The following CACNA1C variants were observed in gnomAD, a reference collection of about 807,000 sequenced individuals.
The protein encoded by CACNA1C is voltage-dependent L-type calcium channel subunit alpha-1C.
In CACNA1C, 30 loss-of-function variants were observed where a neutral mutation model predicts 229.0. The ratio of observed to expected loss-of-function variants is 0.13; its 90% CI spans 0.10 to 0.18. CACNA1C has a LOEUF of 0.18. CACNA1C is among the 10% of genes least tolerant of loss of function. The pLI is 1.00. For synonymous variants in CACNA1C, 1,114 were observed against 1,132.5 expected (o/e 0.98, Z 0.33); for missense variants, 1,658 against 2,845.0 (o/e 0.58, Z 9.49).
intron 1 of CACNA1C, among the ~76,000 whole-genome samples, chr12:2,057,684 C>T (rs758240844): frequency 3.3e-5 from 5 of 152,346 alleles, no homozygotes; most frequent in East Asian, 1.9e-4. Flanking sequence ...TTCCCACAGA[C>T]GTCTGTTCCC....
intron 3 of CACNA1C, among the ~76,000 whole-genome samples, chr12:2,391,072 G>C (rs577428078): frequency 1.3e-5 from 2 of 152,184 alleles, no homozygotes; most frequent in Non-Finnish European, 2.9e-5. Context: ...ACGATAGGAC[G>C]CAGTGACTGA....
intron 9 of CACNA1C, among the ~76,000 whole-genome samples, chr12:2,534,822 G>A (rs2099849362): frequency 6.6e-6 from 1 of 152,188 alleles, no homozygotes; most frequent in South Asian, 2.1e-4. Flanking sequence ...AGGTGGTGGC[G>A]AGGTCTCTTA....
intron 3 of CACNA1C, among the ~76,000 whole-genome samples, chr12:2,176,468 T>G (rs1434397438): frequency 6.6e-6 from 1 of 151,806 alleles, no homozygotes; most frequent in Admixed American, 6.6e-5. Flanking sequence ...GGGGAGAAGA[T>G]GGAGAAGTCA....
rs554343623 is a variant in CACNA1C, at chr12:2,307,416, TC to T, written c.478-141558del. Among the ~76,000 whole-genome samples, 4 of 152,324 alleles carry T rather than the reference TC, an allele frequency of 2.6e-5. No homozygotes were observed. In the East Asian group the frequency reaches 5.8e-4, roughly 22 times the overall value. ...TGAGACCTGTACAGGATCACACAGC[TC>T]CTTGGAAGCAGCTGAGCCAGGACTA... On this transcript the variant is annotated intron_variant, in intron 3 of 46. Coordinates refer to ENST00000399655, the MANE Select transcript of CACNA1C (RefSeq NM_000719.7).
chr12:2,064,212 C>T (rs2058531392), intron 1 of CACNA1C, among the ~76,000 whole-genome samples: 1 of 152,244 alleles, frequency 6.6e-6, no homozygotes, highest in African/African-American at 2.4e-5. Context: ...GTTCAGCTTT[C>T]ACCTCGTTGC....
chr12:2,044,151 T>C (rs533118007), intron 1 of CACNA1C, among the ~76,000 whole-genome samples: 4 of 152,328 alleles, frequency 2.6e-5, no homozygotes, highest in African/African-American at 9.6e-5. Flanking sequence ...ATCTGCTATG[T>C]AAAGAGGCAA....
At chr12:2,267,065 G>A (rs1008791446) in intron 3 of CACNA1C, among the ~76,000 whole-genome samples, 13 of 152,072 alleles carry the variant, frequency 8.5e-5, no homozygotes, top group South Asian at 2.1e-4. Flanking sequence ...ATTACTTCAC[G>A]TGGACTTTGG....
chr12:2,633,332 C>A lies in CACNA1C; in HGVS notation c.3829-965C>A, dbSNP rs1405543957. Among the ~76,000 whole-genome samples the A allele has an allele frequency of 1.3e-5, 2 of 152,152 alleles. No homozygotes were observed. The highest frequency in any genetic ancestry group is 2.9e-5 in the Non-Finnish European group (2 of 68,016). ...TTTGCACCACCCACGCCCCCCACAC[C>A]CACTCCTGCCCCTGGTGGGACGTGG... On this transcript the variant is annotated intron_variant, in intron 29 of 46. Coordinates refer to ENST00000399655, the MANE Select transcript of CACNA1C (RefSeq NM_000719.7). The surrounding 1 kb of genome is among the most constrained non-coding windows in gnomAD (Gnocchi z 5.8).
intron 11 of CACNA1C, among the ~76,000 whole-genome samples, chr12:2,565,917 C>G (rs957830349): frequency 2.6e-5 from 4 of 152,190 alleles, no homozygotes; most frequent in Non-Finnish European, 4.4e-5. Flanking sequence ...GAGTACTCAA[C>G]CTCCCCAGCC....
At chr12:2,305,214 G>A (rs1255223679) in intron 3 of CACNA1C, among the ~76,000 whole-genome samples, 2 of 152,226 alleles carry the variant, frequency 1.3e-5, no homozygotes, top group African/African-American at 4.8e-5. Context: ...CCTGTGCCCA[G>A]TACCTGGGTC....
intron 5 of CACNA1C, among the ~76,000 whole-genome samples, chr12:2,473,781 T>C (rs972810663): frequency 6.6e-6 from 1 of 152,158 alleles, no homozygotes; most frequent in Non-Finnish European, 1.5e-5. Context: ...CTAAGCATGA[T>C]GTTTAGAAAT....
intron 28 of CACNA1C, among the ~76,000 whole-genome samples, chr12:2,611,008 G>A (rs1035189167): frequency 4.6e-5 from 7 of 151,206 alleles, no homozygotes; most frequent in Admixed American, 6.6e-5. Flanking sequence ...GGGATGAGCT[G>A]GATGTGTTCG....
At chr12:2,187,284 G>A (rs888003583) in intron 3 of CACNA1C, among the ~76,000 whole-genome samples, 7 of 152,176 alleles carry the variant, frequency 4.6e-5, no homozygotes, top group African/African-American at 9.7e-5. Context: ...GGACCCAGTC[G>A]AGGCTCGGAG....
intron 1 of CACNA1C, among the ~76,000 whole-genome samples, chr12:2,091,558 T>C (rs531822150): frequency 6.9e-4 from 105 of 152,316 alleles, no homozygotes; most frequent in Middle Eastern, 3.4e-3. Flanking sequence ...TCTTTTGCTC[T>C]CCTCTCGTGC....
chr12:1,994,951 G>C lies in CACNA1C; in HGVS notation c.139+23750G>C, dbSNP rs575915492. Reference sequence around the variant, plus strand: ...GAGTTTTACATGCTTTTTGTAATTCGCTACTGAAGAAAGCCTTCAACATTC... The same window carrying C: ...GAGTTTTACATGCTTTTTGTAATTCCCTACTGAAGAAAGCCTTCAACATTC... On this transcript the variant is annotated intron_variant, in intron 1 of 46. Transcript: ENST00000682462. Among the ~76,000 whole-genome samples, 9 of 131,642 alleles carry C rather than the reference G, an allele frequency of 6.8e-5. 1 individual carries two copies. Among genetic ancestry groups the C allele is most frequent in the Non-Finnish European group, 1.2e-4 (8 of 65,610 alleles). The allele number at this position is 131,642 out of a possible 152,430, so 86.4% of individuals were successfully genotyped here. A position where few individuals can be genotyped will look rare whatever the true frequency, so the allele number is the denominator to read the frequency against.
chr12:2,028,872 A>T (rs1352381894), intron 1 of CACNA1C, among the ~76,000 whole-genome samples: 2 of 152,242 alleles, frequency 1.3e-5, no homozygotes, highest in Non-Finnish European at 2.9e-5. Context: ...AATAAACATT[A>T]GTTTTTATTT....
chr12:2,653,761 CG>C lies in CACNA1C; in HGVS notation c.4075-72del, dbSNP rs1406650923. 1 of 1,269,396 alleles carries C rather than the reference CG, an allele frequency of 7.9e-7. No individual in the cohort carries two copies. The highest frequency in any genetic ancestry group is 2.3e-5 in the East Asian group (1 of 42,734). 78.6% of individuals were successfully genotyped at this position (1,269,396 alleles called of 1,614,324 possible). A position where few individuals can be genotyped will look rare whatever the true frequency, so the allele number is the denominator to read the frequency against. On this transcript the variant is annotated intron_variant, in intron 32 of 46. Transcript: ENST00000399655. This position sits in a 1 kb window ranked among gnomAD's most constrained non-coding sequence, Gnocchi z 4.7. Reference sequence around the variant, plus strand: ...GCTGATGGCTGCAGAGACAGGGATGCGGCGCTCCCTGGGAAGGGGCCCAGCT... The same window carrying C: ...GCTGATGGCTGCAGAGACAGGGATGCGCGCTCCCTGGGAAGGGGCCCAGCT...
chr12:2,106,401 G>A, intron 1 of CACNA1C, among the ~76,000 whole-genome samples: 1 of 72,090 alleles, frequency 1.4e-5, no homozygotes, highest in East Asian at 4.6e-4. Context: ...TTCCACCTGA[G>A]CTGGGCGTCC....
intron 13 of CACNA1C, among the ~76,000 whole-genome samples, chr12:2,572,321 TTCCTCC>T (rs1236389342): frequency 1.3e-5 from 1 of 74,102 alleles, no homozygotes; most frequent in African/African-American, 4.4e-5. Context: ...CCTCCTCCTC[TTCCTCC>T]TCCTTCTCTT....
Sources: allele counts gnomAD v4.1 joint callset (sites outside exome capture counted in the v4.1 genomes callset), GRCh38; gene constraint gnomAD v4.1.1; non-coding constraint Gnocchi (gnomAD v3.1); transcripts MANE v1.5; gene names NCBI Gene and HGNC (gene_info 2026-07-23, HGNC 2026-07-21).